The following BABAM2 variants were observed in gnomAD, a reference collection of about 807,000 sequenced individuals.
The protein encoded by BABAM2 is BRISC and BRCA1-A complex member 2.
Under a neutral mutation model 54.7 loss-of-function variants are expected in BABAM2, and 31 were observed. The observed-to-expected ratio is 0.57, with a 90% CI of 0.43 to 0.77. The LOEUF is 0.77. Ranked by LOEUF, BABAM2 falls within the 30% of genes least tolerant of loss-of-function variation. The pLI is 0.00. For missense variants in BABAM2, 364 were observed against 455.8 expected, an observed-to-expected ratio of 0.80 and a Z score of 1.83; for synonymous variants, 167 against 162.9, an observed-to-expected ratio of 1.03 and a Z score of -0.19.
intron 11 of BABAM2, among the ~76,000 whole-genome samples, chr2:28,303,275 G>T (rs891144299): frequency 1.3e-5 from 2 of 152,086 alleles, no homozygotes; most frequent in Admixed American, 6.6e-5. Flanking sequence ...CTACTAGAAG[G>T]TCATGAAGAA....
chr2:28,182,098 T>C (rs1240108516), intron 7 of BABAM2, among the ~76,000 whole-genome samples: 1 of 152,076 alleles, frequency 6.6e-6, no homozygotes, highest in East Asian at 1.9e-4. Context: ...GGGAGAAAGA[T>C]GAGGTAGCAG....
intron 7 of BABAM2, among the ~76,000 whole-genome samples, chr2:28,195,549 G>A (rs1677430917): frequency 3.3e-5 from 5 of 152,210 alleles, no homozygotes; most frequent in Admixed American, 2.6e-4. Flanking sequence ...CTGAGGGAAT[G>A]GTTTCCATCC....
chr2:28,138,398 C>T (rs1304846017), intron 7 of BABAM2, among the ~76,000 whole-genome samples: 3 of 152,150 alleles, frequency 2.0e-5, no homozygotes, highest in Non-Finnish European at 2.9e-5. Context: ...CAGATTGACA[C>T]AGACCTCTTT....
chr2:28,327,124 A>T, intron 11 of BABAM2: 1 of 770,106 alleles, frequency 1.3e-6, no homozygotes, highest in Non-Finnish European at 2.1e-6. Context: ...GTATGTGTAG[A>T]TGCGTGCATA....
In BABAM2 at chr2:28,101,314, C is replaced by T. The variant is rs557965267; in HGVS notation, c.571-27957C>T. The stretch of plus-strand genomic sequence containing the variant: ...CACATGATTCAAACAGCTGACACAA[C>T]AGGGTTATGGCTGCCGAACCTATGA... On this transcript the variant is annotated intron_variant, in intron 6 of 11. Transcript: ENST00000379624. 3.9e-5 allele frequency among the ~76,000 whole-genome samples: 6 copies of T among 152,262 alleles called. No homozygotes were observed. The South Asian group carries it at 1.0e-3, about 26-fold the overall frequency.
intron 11 of BABAM2, among the ~76,000 whole-genome samples, chr2:28,324,321 G>A (rs865955615): frequency 6.6e-6 from 1 of 152,138 alleles, no homozygotes; most frequent in Non-Finnish European, 1.5e-5. Context: ...GATTCACCAC[G>A]ATATAGCAGA....
chr2:28,182,243 G>A (rs1305996923), intron 7 of BABAM2, among the ~76,000 whole-genome samples: 1 of 152,206 alleles, frequency 6.6e-6, no homozygotes, highest in Non-Finnish European at 1.5e-5. Context: ...AGAATAGCGT[G>A]TGCAGGGATG....
At chr2:28,245,230 A>G (rs76552304) in intron 10 of BABAM2, among the ~76,000 whole-genome samples, 3,340 of 152,266 alleles carry the variant, frequency 0.022, 54 homozygotes, top group South Asian at 0.031. Flanking sequence ...GCAAAATCTC[A>G]GTATTGCCAA....
intron 2 of BABAM2, chr2:27,896,753 G>C (rs748916102): frequency 1.3e-5 from 3 of 223,682 alleles, no homozygotes; most frequent in Non-Finnish European, 2.7e-5. Context: ...TCTTCACTAG[G>C]CTCCAGCAAC....
chr2:28,096,542 G>A (rs1262847146), intron 6 of BABAM2, among the ~76,000 whole-genome samples: 4 of 151,980 alleles, frequency 2.6e-5, no homozygotes, highest in South Asian at 2.1e-4. Context: ...CTTTCACTTC[G>A]ATTGTCACTA....
At position 27,987,809 on chromosome 2, in the gene BABAM2, T is replaced by G. The variant is rs193094635; in HGVS notation, c.206-184T>G. On this transcript the variant is annotated intron_variant, in intron 3 of 11. Transcript: ENST00000379624. ...CAGTCTGGATGACAAAGTGAGACCC[T>G]GTCTCAAAAAAAAAAAAAAAAAAGA... is the stretch of plus-strand genomic sequence containing the variant. Among the ~76,000 whole-genome samples, 199 of 144,984 alleles carry G rather than the reference T, an allele frequency of 1.4e-3. 1 individual carries two copies. Among genetic ancestry groups the G allele is most frequent in the Admixed American group, 4.2e-3 (62 of 14,648 alleles).
intron 11 of BABAM2, among the ~76,000 whole-genome samples, chr2:28,332,799 A>G (rs577956773): frequency 2.6e-5 from 4 of 152,320 alleles, no homozygotes; most frequent in Non-Finnish European, 5.9e-5. Flanking sequence ...GCCTCTGGCT[A>G]CAGAATTTGT....
chr2:28,172,643 T>C (rs767802519), intron 7 of BABAM2, among the ~76,000 whole-genome samples: 50 of 152,348 alleles, frequency 3.3e-4, no homozygotes, highest in Non-Finnish European at 6.6e-4. Flanking sequence ...GTACTGTGTG[T>C]ATATGCACGT....
chr2:28,125,779 A>G (rs960586476), intron 6 of BABAM2, among the ~76,000 whole-genome samples: 1 of 152,220 alleles, frequency 6.6e-6, no homozygotes, highest in Non-Finnish European at 1.5e-5. Flanking sequence ...TATTTATTGC[A>G]GCACTATCAA....
chr2:28,216,086 C>G (rs1191150739), intron 7 of BABAM2, among the ~76,000 whole-genome samples: 1 of 152,228 alleles, frequency 6.6e-6, no homozygotes, highest in African/African-American at 2.4e-5. Context: ...TTTTCCACTT[C>G]TCTCTTAATT....
intron 10 of BABAM2, among the ~76,000 whole-genome samples, chr2:28,255,919 G>A (rs777993014): frequency 6.6e-6 from 1 of 152,142 alleles, no homozygotes; most frequent in Non-Finnish European, 1.5e-5. Flanking sequence ...GCCCACCATA[G>A]CCTCCCAAAG....
intron 11 of BABAM2, chr2:28,327,408 CAG>C: frequency 6.2e-7 from 1 of 1,611,180 alleles, no homozygotes; most frequent in Non-Finnish European, 8.5e-7. Flanking sequence ...TGGAGGGCCT[CAG>C]AGGGAGAGAG....
chr2:28,306,280 T>A (rs1688512712), intron 11 of BABAM2, among the ~76,000 whole-genome samples: 1 of 152,240 alleles, frequency 6.6e-6, no homozygotes, highest in Admixed American at 6.5e-5. Flanking sequence ...AGCTCTTTAC[T>A]GTTTTTTTAT....
chr2:28,180,535 G>A lies in BABAM2; in HGVS notation c.680+51155G>A, dbSNP rs190106749. ...TACTAGAAGAAAACGTAGAGCAAAT[G>A]CTACAGGACATTGGTTTAGGCAAAG... On this transcript the variant is annotated intron_variant, in intron 7 of 11. Coordinates refer to ENST00000379624, the MANE Select transcript of BABAM2 (RefSeq NM_199191.3). Among the ~76,000 whole-genome samples the A allele has an allele frequency of 2.1e-4, 32 of 152,110 alleles. 1 individual carries two copies. Among genetic ancestry groups the A allele is most frequent in the Admixed American group, 2.0e-3 (30 of 15,262 alleles).
Sources: gnomAD v4.1 joint callset for allele counts (sites outside exome capture counted in the v4.1 genomes callset) on GRCh38, gnomAD v4.1.1 for gene constraint, MANE v1.5 for transcripts, NCBI Gene and HGNC (gene_info 2026-07-23, HGNC 2026-07-21) for gene names.